The following GIGYF2 variants were observed in gnomAD, a reference collection of about 807,000 sequenced individuals.
The protein encoded by GIGYF2 is GRB10-interacting GYF protein 2.
Under a neutral mutation model 208.1 loss-of-function variants are expected in GIGYF2, and 25 were observed. That is an observed-to-expected ratio of 0.12 (90% confidence interval 0.09 to 0.17). The LOEUF is 0.17. Among genes scored for constraint, GIGYF2 ranks in the 10% least tolerant of loss-of-function variants. GIGYF2 has a pLI of 1.00. For synonymous variants in GIGYF2, 534 were observed against 543.8 expected (o/e 0.98, Z 0.25); for missense variants, 1,302 against 1,579.4 (o/e 0.82, Z 2.98).
intron 22 of GIGYF2, among the ~76,000 whole-genome samples, chr2:232,833,798 A>G (rs1443506741): frequency 1.3e-5 from 2 of 152,222 alleles, no homozygotes; most frequent in Non-Finnish European, 1.5e-5. Flanking sequence ...TAGGGCTTGA[A>G]ACAGAGTTGG....
chr2:232,744,782 T>C (rs1173083388), intron 3 of GIGYF2, among the ~76,000 whole-genome samples: 1 of 152,210 alleles, frequency 6.6e-6, no homozygotes, highest in Non-Finnish European at 1.5e-5. Flanking sequence ...TCCACACTCC[T>C]TAGCTTCCCA....
At chr2:232,764,237 AAGC>A (rs1210636144) in intron 8 of GIGYF2, among the ~76,000 whole-genome samples, 4 of 152,208 alleles carry the variant, frequency 2.6e-5, no homozygotes, top group Non-Finnish European at 5.9e-5. Flanking sequence ...CTGCATGTAA[AAGC>A]AGCCTTCTGT....
Position 232,749,038 on chromosome 2 carries a change from C to T in GIGYF2, c.223C>T (p.Pro75Ser), listed in dbSNP as rs1453968728. The change falls in exon 5 of 29, where the codon CCC (proline) becomes TCC (serine). Residue 75 changes from proline to serine, a missense_variant. Physicochemically the swap from Pro to Ser is moderately conservative, Grantham distance 74. Transcript: ENST00000373563. ...KEFLPILQEE[P>S]LPPLALVPFT... ...ATTTCTGCCTATCCTCCAGGAGGAACCCCTTCCACCATTGGCTCTGGTACC... is the reference window on the plus strand; with the variant it reads ...ATTTCTGCCTATCCTCCAGGAGGAATCCCTTCCACCATTGGCTCTGGTACC... 1 of 1,606,530 alleles carries T rather than the reference C, an allele frequency of 6.2e-7. No homozygotes were observed. Among genetic ancestry groups the T allele is most frequent in the East Asian group, 2.2e-5 (1 of 44,824 alleles).
chr2:232,860,094 A>C lies in GIGYF2; in HGVS notation c.*3234A>C, dbSNP rs572791026. 5.9e-5 allele frequency: 9 copies of C among 152,340 alleles called. No individual in the cohort carries two copies. The highest frequency in any genetic ancestry group is 2.2e-4 in the African/African-American group (9 of 41,586). The allele number at this position is 152,340 out of a possible 1,614,324, so 9.4% of individuals were successfully genotyped here. A position where few individuals can be genotyped will look rare whatever the true frequency, so the allele number is the denominator to read the frequency against. On this transcript the variant is annotated 3_prime_UTR_variant, in exon 29 of 29. Transcript: ENST00000373563. ...GATATTATAGCCATTTTTGGGAAATATCTGCATAAAATGAGTTTATGCATA... is the reference window on the plus strand; with the variant it reads ...GATATTATAGCCATTTTTGGGAAATCTCTGCATAAAATGAGTTTATGCATA...
chr2:232,789,459 C>G (rs184295994), intron 9 of GIGYF2, among the ~76,000 whole-genome samples: 1 of 152,244 alleles, frequency 6.6e-6, no homozygotes, highest in East Asian at 1.9e-4. Context: ...CATAATGGCT[C>G]TAGGTTTCCA....
At chr2:232,724,841 C>T (rs1247038637) in intron 2 of GIGYF2, 3 of 152,162 alleles carry the variant, frequency 2.0e-5, no homozygotes, top group East Asian at 3.9e-4. Flanking sequence ...GCGTGAGCCA[C>T]GGCACCTGGC....
chr2:232,729,869 TCTC>T (rs902401159), intron 2 of GIGYF2: 2 of 737,212 alleles, frequency 2.7e-6, no homozygotes, highest in African/African-American at 3.5e-5. Flanking sequence ...TCTTCACTTT[TCTC>T]CTCCCATCAG....
At chr2:232,703,138 C>A (rs1242222702) in intron 1 of GIGYF2, among the ~76,000 whole-genome samples, 1 of 152,132 alleles carries the variant, frequency 6.6e-6, no homozygotes, top group Non-Finnish European at 1.5e-5. Flanking sequence ...TGAATGAAAA[C>A]CCCAAATAAT....
chr2:232,813,739 G>T lies in GIGYF2; in HGVS notation c.2107+1248G>T, dbSNP rs561451538. Among the ~76,000 whole-genome samples, 161 of 152,160 alleles carry T rather than the reference G, an allele frequency of 1.1e-3. 2 individuals carry two copies. Among genetic ancestry groups the T allele is most frequent in the African/African-American group, 3.7e-3 (154 of 41,520 alleles). ...CCCTCATCGACTTTCCATGCTGTTT[G>T]TACCTTATTTTTTCTTGATAGCCGT... On this transcript the variant is annotated intron_variant, in intron 18 of 28. Coordinates refer to ENST00000373563, the MANE Select transcript of GIGYF2 (RefSeq NM_001103146.3).
intron 22 of GIGYF2, among the ~76,000 whole-genome samples, chr2:232,836,344 ATATATTT>A (rs1559160839): frequency 0.048 from 2,499 of 52,572 alleles, 219 homozygotes; most frequent in Non-Finnish European, 0.061. Flanking sequence ...ATATATACTT[ATATATTT>A]ATATATATAA....
chr2:232,711,705 G>GTATATATATATACATATATATATA (rs1696413396), intron 2 of GIGYF2, among the ~76,000 whole-genome samples: 1 of 115,762 alleles, frequency 8.6e-6, no homozygotes, highest in Non-Finnish European at 1.8e-5. Context: ...TCACAATGAT[G>GTATATATATATACATATATATATA]TATATATATA....
At chr2:232,809,209 C>T (rs1199112271) in intron 15 of GIGYF2, among the ~76,000 whole-genome samples, 1 of 152,154 alleles carries the variant, frequency 6.6e-6, no homozygotes, top group African/African-American at 2.4e-5. Flanking sequence ...TCCCAAAGTG[C>T]TGGGATTACA....
chr2:232,785,988 T>C (rs1261061270), intron 8 of GIGYF2, among the ~76,000 whole-genome samples: 2 of 152,272 alleles, frequency 1.3e-5, no homozygotes, highest in Non-Finnish European at 2.9e-5. Context: ...TGTGAGATTT[T>C]ATAAATGTTA....
intron 21 of GIGYF2, among the ~76,000 whole-genome samples, chr2:232,830,270 A>C (rs1485126589): frequency 6.6e-6 from 1 of 152,148 alleles, no homozygotes; most frequent in East Asian, 1.9e-4. Flanking sequence ...GGCACAAACC[A>C]CTGGGCCTGG....
chr2:232,797,489 T>TTGTGTGTGTGTGTG lies in GIGYF2; in HGVS notation c.1639+1292_1639+1305dup, dbSNP rs67221198. 2.4e-3 allele frequency among the ~76,000 whole-genome samples: 347 copies of TTGTGTGTGTGTGTG among 145,082 alleles called. 2 individuals carry two copies. The highest frequency in any genetic ancestry group is 7.5e-3 in the African/African-American group (290 of 38,772). ...CTGGTAAGATACACGAGAGCAGGGC[T>TTGTGTGTGTGTGTG]TGTGTGTGTGTGTGTGTGTGTGTGT... On this transcript the variant is annotated intron_variant, in intron 14 of 28. Transcript: ENST00000373563.
At chr2:232,715,178 C>T (rs1266679466) in intron 2 of GIGYF2, among the ~76,000 whole-genome samples, 1 of 152,094 alleles carries the variant, frequency 6.6e-6, no homozygotes, top group Non-Finnish European at 1.5e-5. Context: ...GTGATTCATC[C>T]GTATTGCTGC....
Position 232,796,231 on chromosome 2 carries a change from TC to T in GIGYF2, c.1639+12del, listed in dbSNP as rs1224650628. The T allele has an allele frequency of 1.3e-6, 2 of 1,549,932 alleles. No individual in the cohort carries two copies. The highest frequency in any genetic ancestry group is 3.3e-5 in the Admixed American group (2 of 59,946). ...CAGGGAGAAATTCAAGGCAAGTTGT[TC>T]CTTTTTCCTTTAAATACTGAAGTGT... On this transcript the variant is annotated intron_variant, in intron 14 of 28. Transcript: ENST00000373563.
chr2:232,711,504 A>G (rs1696399371), intron 2 of GIGYF2, among the ~76,000 whole-genome samples: 1 of 151,504 alleles, frequency 6.6e-6, no homozygotes, highest in Non-Finnish European at 1.5e-5. Context: ...TAACATAAAT[A>G]TATTTTTAAT....
intron 27 of GIGYF2, 75 bp downstream of exon 27, chr2:232,847,646 A>G: frequency 6.3e-7 from 1 of 1,575,936 alleles, no homozygotes; most frequent in South Asian, 1.1e-5. Context: ...AAGAAATGAA[A>G]ATTAATACAA....
Sources: allele counts gnomAD v4.1 joint callset (sites outside exome capture counted in the v4.1 genomes callset), GRCh38; gene constraint gnomAD v4.1.1; transcripts MANE v1.5; gene names NCBI Gene and HGNC (gene_info 2026-07-23, HGNC 2026-07-21).